The following ESR1 variants were observed in gnomAD, a reference collection of about 807,000 sequenced individuals.
ESR1 encodes estrogen receptor.
In ESR1, 12 loss-of-function variants were observed where a neutral mutation model predicts 52.7. The ratio of observed to expected loss-of-function variants is 0.23; its 90% confidence interval spans 0.15 to 0.37. ESR1 has a LOEUF of 0.37. ESR1 is among the 10% of genes least tolerant of loss of function. The probability of loss-of-function intolerance (pLI) is 1.00; values close to 1 mark genes in which losing one functional copy is unlikely to be tolerated. For synonymous variants in ESR1, 305 were observed against 316.8 expected, an observed-to-expected ratio of 0.96 and a Z score of 0.39; for missense variants, 584 against 779.7, an observed-to-expected ratio of 0.75 and a Z score of 2.99.
chr6:151,967,352 AG>A (rs2038390087), intron 4 of ESR1, among the ~76,000 whole-genome samples: 1 of 152,070 alleles, frequency 6.6e-6, no homozygotes, highest in South Asian at 2.1e-4. Context: ...ACCCCTTGAC[AG>A]GTCCCAGTGT....
intron 2 of ESR1, among the ~76,000 whole-genome samples, chr6:151,748,641 G>A (rs1342855557): frequency 1.3e-5 from 2 of 152,134 alleles, no homozygotes; most frequent in Non-Finnish European, 2.9e-5. Flanking sequence ...GGATGAGAGT[G>A]CCTATTAGCC....
chr6:151,802,031 A>G (rs1408278902), upstream of ESR1, among the ~76,000 whole-genome samples: 1 of 152,216 alleles, frequency 6.6e-6, no homozygotes, highest in Non-Finnish European at 1.5e-5. Flanking sequence ...CACAAAGGGA[A>G]ATTTCTGGGG....
rs114051545 is a variant in ESR1 at position 152,095,245 on chromosome 6, T to C, written c.1553+677T>C. ...TTGCTTTTAGATAAAATATAAACCC[T>C]TTCACTTTGTTTTTATTACTCCTTA... On this transcript the variant is annotated intron_variant, in intron 7 of 7. Transcript: ENST00000206249. 6.0e-3 allele frequency among the ~76,000 whole-genome samples: 918 copies of C among 152,336 alleles called. 7 individuals carry two copies. Among genetic ancestry groups the C allele is most frequent in the African/African-American group, 0.021 (881 of 41,570 alleles).
chr6:151,787,674 G>A (rs1008485399), intron 2 of ESR1, among the ~76,000 whole-genome samples: 1 of 152,134 alleles, frequency 6.6e-6, no homozygotes, highest in Non-Finnish European at 1.5e-5. Context: ...GGAAGGCTAA[G>A]TGATTTCTGT....
chr6:151,703,608 T>C (rs116456480), intron 2 of ESR1, among the ~76,000 whole-genome samples: 1,881 of 152,242 alleles, frequency 0.012, 47 homozygotes, highest in African/African-American at 0.043. Flanking sequence ...GTGAGTTTGA[T>C]TCCTCTTTTG....
At chr6:151,844,684 A>G (rs1478044753) in intron 2 of ESR1, among the ~76,000 whole-genome samples, 1 of 152,178 alleles carries the variant, frequency 6.6e-6, no homozygotes, top group Non-Finnish European at 1.5e-5. Flanking sequence ...TTTAATGTTT[A>G]TTTATCTGAT....
At chr6:151,768,840 T>TAA (rs1785271591) in intron 2 of ESR1, among the ~76,000 whole-genome samples, 1 of 152,222 alleles carries the variant, frequency 6.6e-6, no homozygotes, top group Non-Finnish European at 1.5e-5. Context: ...CTGGCTCTTA[T>TAA]AAAACTAAGG....
intron 6 of ESR1, among the ~76,000 whole-genome samples, chr6:152,109,336 G>A (rs748603805): frequency 8.5e-5 from 13 of 152,098 alleles, no homozygotes; most frequent in Non-Finnish European, 1.9e-4. Flanking sequence ...GCATTAAGAA[G>A]CTAGTTTTAA....
At chr6:151,765,136 AT>A (rs979452681) in intron 2 of ESR1, among the ~76,000 whole-genome samples, 6 of 152,240 alleles carry the variant, frequency 3.9e-5, no homozygotes, top group Non-Finnish European at 8.8e-5. Context: ...TTAATGAAAA[AT>A]ATTACATTCT....
chr6:152,043,630 C>A (rs2045983881), intron 5 of ESR1, among the ~76,000 whole-genome samples: 2 of 152,160 alleles, frequency 1.3e-5, no homozygotes. Flanking sequence ...ATGCCTTAGG[C>A]AGTGCAGGGT....
chr6:151,701,211 G>GTT (rs34710279), intron 1 of ESR1, among the ~76,000 whole-genome samples: 3,058 of 145,030 alleles, frequency 0.021, 38 homozygotes, highest in East Asian at 0.032. Flanking sequence ...TGGGCTGGGA[G>GTT]TTTTTTTTTT....
intron 2 of ESR1, among the ~76,000 whole-genome samples, chr6:151,714,952 T>TATG (rs1301046971): frequency 2.0e-5 from 3 of 152,172 alleles, no homozygotes; most frequent in Non-Finnish European, 4.4e-5. Context: ...TACAATTTGG[T>TATG]ATGTTTTTGC....
intron 1 of ESR1, among the ~76,000 whole-genome samples, chr6:151,819,786 T>G (rs1344086566): frequency 6.6e-6 from 1 of 152,152 alleles, no homozygotes; most frequent in Non-Finnish European, 1.5e-5. Flanking sequence ...GTTCCATCTG[T>G]GGAAAAATTG....
intron 3 of ESR1, among the ~76,000 whole-genome samples, chr6:151,940,807 A>G (rs1189367185): frequency 1.3e-5 from 2 of 152,234 alleles, no homozygotes; most frequent in Non-Finnish European, 2.9e-5. Context: ...ATGGAGGGTA[A>G]CATGATCTGT....
chr6:152,088,204 G>A (rs1368867435), intron 6 of ESR1, among the ~76,000 whole-genome samples: 7 of 152,014 alleles, frequency 4.6e-5, no homozygotes. Flanking sequence ...GACTAAAGTA[G>A]GAAACATAAT....
intron 2 of ESR1, among the ~76,000 whole-genome samples, chr6:151,851,300 TTCTC>T (rs1218464787): frequency 2.0e-5 from 3 of 152,134 alleles, no homozygotes; most frequent in Non-Finnish European, 4.4e-5. Context: ...AATGCAGAAA[TTCTC>T]TCTCTCCTGG....
rs1199518935 is a variant in ESR1 at position 151,751,307 on chromosome 6, G to T, written c.-71+49302G>T. Among the ~76,000 whole-genome samples, 3 of 152,262 alleles carry T rather than the reference G, an allele frequency of 2.0e-5. No individual in the cohort carries two copies. In the South Asian group the frequency reaches 6.2e-4, roughly 32 times the overall value. On this transcript the variant is annotated intron_variant, in intron 2 of 2. Transcript: ENST00000404742. ...CATATATTTGGTCCATAATTGTACA[G>T]CTAGGCAATTCATTTATTATCTGTT...
At chr6:152,009,276 A>G (rs2042580454) in intron 4 of ESR1, among the ~76,000 whole-genome samples, 1 of 152,096 alleles carries the variant, frequency 6.6e-6, no homozygotes, top group South Asian at 2.1e-4. Flanking sequence ...GACAGGCTAC[A>G]CTGTCATGAG....
At chr6:152,042,816 T>G (rs1211922468) in intron 5 of ESR1, among the ~76,000 whole-genome samples, 1 of 152,174 alleles carries the variant, frequency 6.6e-6, no homozygotes, top group Non-Finnish European at 1.5e-5. Context: ...TCTACACAAG[T>G]CAGACTATTC....
Sources: gnomAD v4.1 joint callset for allele counts (sites outside exome capture counted in the v4.1 genomes callset) on GRCh38, gnomAD v4.1.1 for gene constraint, MANE v1.5 for transcripts, NCBI Gene and HGNC (gene_info 2026-07-23, HGNC 2026-07-21) for gene names.